The following PHKB variants were observed in gnomAD, a reference collection of about 807,000 sequenced individuals.
The protein encoded by PHKB is phosphorylase b kinase regulatory subunit beta.
A neutral mutation model predicts 152.1 loss-of-function variants in PHKB; 122 were observed. That is an observed-to-expected ratio of 0.80 (90% CI 0.69 to 0.93). PHKB has a LOEUF of 0.93. Among genes scored for constraint, PHKB ranks in the 40% least tolerant of loss-of-function variants. The probability of loss-of-function intolerance (pLI) is 0.00; values close to 1 mark genes in which losing one functional copy is unlikely to be tolerated. For missense variants in PHKB, 1,304 were observed against 1,328.4 expected, an observed-to-expected ratio of 0.98 and a Z score of 0.29; for synonymous variants, 436 against 464.9, an observed-to-expected ratio of 0.94 and a Z score of 0.80.
intron 1 of PHKB, among the ~76,000 whole-genome samples, chr16:47,492,269 T>C (rs984888713): frequency 2.0e-5 from 3 of 152,196 alleles, no homozygotes; most frequent in Non-Finnish European, 2.9e-5. Context: ...GTACACTAGA[T>C]TGGCTACAGA....
At chr16:47,525,539 C>G (rs2151658102) in intron 6 of PHKB, among the ~76,000 whole-genome samples, 1 of 152,206 alleles carries the variant, frequency 6.6e-6, no homozygotes, top group Middle Eastern at 3.4e-3. Context: ...TCTTTTCTCC[C>G]CTGCCTAAGA....
At chr16:47,677,863 C>T (rs1973763695) in intron 26 of PHKB, among the ~76,000 whole-genome samples, 1 of 151,128 alleles carries the variant, frequency 6.6e-6, no homozygotes, top group Non-Finnish European at 1.5e-5. Context: ...TGGTGTGCTG[C>T]ACCCATTAAC....
At chr16:47,512,668 A>T (rs1408931358) in intron 5 of PHKB, among the ~76,000 whole-genome samples, 1 of 151,948 alleles carries the variant, frequency 6.6e-6, no homozygotes, top group East Asian at 1.9e-4. Context: ...TTTTAGATAT[A>T]TTTTTTTCAT....
intron 8 of PHKB, among the ~76,000 whole-genome samples, chr16:47,586,897 CT>C (rs571448843): frequency 6.1e-5 from 9 of 148,030 alleles, no homozygotes; most frequent in Admixed American, 6.8e-5. Context: ...TTCATTCAAG[CT>C]TTTTTTTTTC....
chr16:47,643,750 G>A (rs1973066638), intron 16 of PHKB, among the ~76,000 whole-genome samples: 1 of 152,120 alleles, frequency 6.6e-6, no homozygotes, highest in East Asian at 1.9e-4. Context: ...CCTTTCTTCT[G>A]AGAAGCCACT....
chr16:47,481,791 CAG>C (rs1969967826), intron 1 of PHKB, among the ~76,000 whole-genome samples: 4 of 152,206 alleles, frequency 2.6e-5, no homozygotes, highest in Admixed American at 6.5e-5. Flanking sequence ...AGACCTAGCT[CAG>C]AGAGAGCCCA....
chr16:47,489,823 A>G (rs1482605291), intron 1 of PHKB, among the ~76,000 whole-genome samples: 3 of 152,218 alleles, frequency 2.0e-5, no homozygotes, highest in African/African-American at 7.2e-5. Context: ...TAAAACAACC[A>G]GTTTCTCCAA....
intron 1 of PHKB, chr16:47,464,122 G>C: frequency 1.4e-6 from 1 of 717,166 alleles, no homozygotes; most frequent in Non-Finnish European, 2.5e-6. Context: ...TGAGTACCCG[G>C]CTGGTGTTTT....
At position 47,598,708 on chromosome 16, in the gene PHKB, G is replaced by A. The variant is rs879031223; in HGVS notation, c.1363+2177G>A. On this transcript the variant is annotated intron_variant, in intron 13 of 30. Transcript: ENST00000323584. ...AGGCTCTTCCACTAATGGCGCCCAT[G>A]GTTTCCACTCCCTCATTTTTCTTGC... 13 of 1,568,034 alleles carry A rather than the reference G, an allele frequency of 8.3e-6. No homozygotes were observed. The African/African-American group carries it at 1.4e-4, about 16-fold the overall frequency.
intron 6 of PHKB, among the ~76,000 whole-genome samples, chr16:47,543,600 G>A (rs1203690811): frequency 6.6e-6 from 1 of 152,022 alleles, no homozygotes; most frequent in Non-Finnish European, 1.5e-5. Flanking sequence ...TGTACCTCTG[G>A]TACAATTCGG....
intron 6 of PHKB, among the ~76,000 whole-genome samples, chr16:47,543,898 A>G (rs1329003718): frequency 1.3e-5 from 2 of 152,106 alleles, no homozygotes; most frequent in African/African-American, 2.4e-5. Flanking sequence ...TTTTACATCT[A>G]TGTAATTATT....
At chr16:47,580,248 G>A in intron 7 of PHKB, 47 bp from the exon 8 acceptor site, 1 of 1,400,938 alleles carries the variant, frequency 7.1e-7, no homozygotes, top group Non-Finnish European at 1.0e-6. Context: ...TTCTGATTTT[G>A]TAGCCACATA....
intron 16 of PHKB, among the ~76,000 whole-genome samples, chr16:47,646,951 T>C (rs1973139967): frequency 6.6e-6 from 1 of 152,128 alleles, no homozygotes; most frequent in Non-Finnish European, 1.5e-5. Context: ...CTTGATTAGA[T>C]TAAGTGCTCA....
intron 20 of PHKB, among the ~76,000 whole-genome samples, chr16:47,654,581 A>C (rs938832097): frequency 4.6e-5 from 7 of 152,182 alleles, no homozygotes; most frequent in African/African-American, 1.7e-4. Context: ...GACTGGATTA[A>C]GAAAATGTGG....
At chr16:47,626,153 A>G (rs1972706279) in intron 14 of PHKB, among the ~76,000 whole-genome samples, 1 of 152,238 alleles carries the variant, frequency 6.6e-6, no homozygotes, top group Non-Finnish European at 1.5e-5. Context: ...ATTGATATAG[A>G]AAACCCTTAG....
intron 14 of PHKB, among the ~76,000 whole-genome samples, chr16:47,633,797 A>G (rs1282867306): frequency 6.6e-6 from 1 of 152,178 alleles, no homozygotes; most frequent in Non-Finnish European, 1.5e-5. Context: ...TTTGGGCTTT[A>G]TTTGGGAAAC....
chr16:47,650,494 G>A (rs768071517), intron 18 of PHKB, 50 bp from the exon 19 acceptor site: 1 of 1,066,272 alleles, frequency 9.4e-7, no homozygotes, highest in South Asian at 1.2e-5. Context: ...TGAGCATCCT[G>A]TTCATCTTAG....
chr16:47,479,117 G>A (rs1195092958), intron 1 of PHKB, among the ~76,000 whole-genome samples: 2 of 152,112 alleles, frequency 1.3e-5, no homozygotes, highest in East Asian at 3.8e-4. Context: ...ATCATTGACT[G>A]TCGGGGGAGT....
At chr16:47,686,243 A>C (rs968734997) in intron 26 of PHKB, among the ~76,000 whole-genome samples, 1 of 152,226 alleles carries the variant, frequency 6.6e-6, no homozygotes, top group Non-Finnish European at 1.5e-5. Flanking sequence ...TTAAAAGATA[A>C]ATGTGATAAA....
Sources: allele counts gnomAD v4.1 joint callset (sites outside exome capture counted in the v4.1 genomes callset), GRCh38; gene constraint gnomAD v4.1.1; transcripts MANE v1.5; gene names NCBI Gene and HGNC (gene_info 2026-07-23, HGNC 2026-07-21).